SNCAIP: variants seen among roughly 807,000 people sequenced by gnomAD.
SNCAIP encodes synuclein alpha interacting protein.
SNCAIP carries 43 observed loss-of-function variants against 86.7 expected under a neutral mutation model. That is an observed-to-expected ratio of 0.50 (90% confidence interval 0.39 to 0.64). SNCAIP has a LOEUF of 0.64. SNCAIP is among the 30% of genes least tolerant of loss of function. SNCAIP has a pLI of 0.00. For missense variants in SNCAIP, 981 were observed against 1,103.1 expected, an observed-to-expected ratio of 0.89 and a Z score of 1.57; for synonymous variants, 417 against 427.2, an observed-to-expected ratio of 0.98 and a Z score of 0.29.
At chr5:122,416,308 A>G (rs1435991049) in intron 3 of SNCAIP, among the ~76,000 whole-genome samples, 3 of 152,162 alleles carry the variant, frequency 2.0e-5, no homozygotes, top group African/African-American at 4.8e-5. Flanking sequence ...ACCCAAATCA[A>G]TGACGCTTTC....
chr5:122,416,064 A>G (rs1454715951), intron 3 of SNCAIP, among the ~76,000 whole-genome samples: 2 of 152,180 alleles, frequency 1.3e-5, no homozygotes, highest in Admixed American at 1.3e-4. Flanking sequence ...ATTGAGTCTG[A>G]TTTCGTGATG....
At chr5:122,448,666 T>TATATA (rs1782962855) in intron 8 of SNCAIP, among the ~76,000 whole-genome samples, 1 of 111,874 alleles carries the variant, frequency 8.9e-6, no homozygotes, top group Non-Finnish European at 2.0e-5. Flanking sequence ...ATATATTATA[T>TATATA]ATATTATATA....
At chr5:122,459,890 T>C (rs1785718623) in intron 10 of SNCAIP, among the ~76,000 whole-genome samples, 1 of 152,114 alleles carries the variant, frequency 6.6e-6, no homozygotes, top group Non-Finnish European at 1.5e-5. Flanking sequence ...GAATCGACCA[T>C]TCACTTTTCC....
intron 1 of SNCAIP, among the ~76,000 whole-genome samples, chr5:122,359,349 T>TTTTTTTTATTTA (rs372903978): frequency 0.021 from 2,979 of 142,212 alleles, 66 homozygotes; most frequent in Middle Eastern, 0.055. Context: ...AGATTTTTAT[T>TTTTTTTTATTTA]TTTATTTATT....
At chr5:122,443,324 T>G (rs143055773) in intron 7 of SNCAIP, among the ~76,000 whole-genome samples, 47 of 152,362 alleles carry the variant, frequency 3.1e-4, no homozygotes, top group African/African-American at 1.1e-3. Flanking sequence ...TTGTAGTGGT[T>G]GATTAATATT....
At chr5:122,337,782 C>T (rs534569857) in intron 1 of SNCAIP, among the ~76,000 whole-genome samples, 136 of 152,308 alleles carry the variant, frequency 8.9e-4, no homozygotes, top group African/African-American at 3.1e-3. Flanking sequence ...TCAGGTGATG[C>T]GCCCACCTCG....
At chr5:122,380,999 G>GA (rs973298238) in intron 1 of SNCAIP, among the ~76,000 whole-genome samples, 3 of 146,600 alleles carry the variant, frequency 2.0e-5, no homozygotes, top group Non-Finnish European at 4.5e-5. Flanking sequence ...TTGTGGTGCT[G>GA]AAAAAAATGT....
In SNCAIP at chr5:122,463,084, C is replaced by T. The variant is rs535079783; in HGVS notation, c.2755-407C>T. 2.0e-5 allele frequency among the ~76,000 whole-genome samples: 3 copies of T among 152,282 alleles called. No individual in the cohort carries two copies. The East Asian group carries it at 5.8e-4, about 29-fold the overall frequency. ...AGCATTCTTCTTTAAACTTTTAAGG[C>T]TCAAGCTTATTGGAGAATAAAAGTG... On this transcript the variant is annotated intron_variant, in intron 10 of 10. Transcript: ENST00000261368.
chr5:122,461,143 G>C (rs1327000289), intron 10 of SNCAIP, among the ~76,000 whole-genome samples: 1 of 152,114 alleles, frequency 6.6e-6, no homozygotes, highest in Admixed American at 6.5e-5. Flanking sequence ...TAGGATTCTA[G>C]GTGGGAAATT....
chr5:122,352,616 C>A (rs1760098146), intron 1 of SNCAIP, among the ~76,000 whole-genome samples: 1 of 152,146 alleles, frequency 6.6e-6, no homozygotes. Context: ...TTTGTTATCT[C>A]CATGCAAATG....
At position 122,432,043 on chromosome 5, in the gene SNCAIP, T is replaced by C. The variant is rs1250287200; in HGVS notation, c.1257T>C (p.Asp419=). 2 of 1,604,924 alleles carry C rather than the reference T, an allele frequency of 1.2e-6. No homozygotes were observed. The highest frequency in any genetic ancestry group is 1.7e-6 in the Non-Finnish European group (2 of 1,171,912). The change falls in exon 6 of 11, where the codon GAT becomes GAC. Residue 419 remains aspartate, a synonymous_variant. Transcript: ENST00000261368. ...TTGCAGAACTGAGTTGTTCTAAGGA[T>C]TTTCCAAGCCTTATTCATTACGCAG... ...EAIAELSCSK[D]FPSLIHYAGC...
At chr5:122,452,389 G>C (rs1461157873) in intron 10 of SNCAIP, among the ~76,000 whole-genome samples, 1 of 152,182 alleles carries the variant, frequency 6.6e-6, no homozygotes, top group East Asian at 1.9e-4. Context: ...CTGTGGAATG[G>C]AATGACCTAG....
At chr5:122,375,763 A>G (rs992712509) in intron 1 of SNCAIP, among the ~76,000 whole-genome samples, 6 of 152,260 alleles carry the variant, frequency 3.9e-5, no homozygotes, top group Admixed American at 3.9e-4. Context: ...AAAAATAAAA[A>G]GACCTAAGAC....
intron 1 of SNCAIP, among the ~76,000 whole-genome samples, chr5:122,365,470 G>A (rs980753207): frequency 3.9e-5 from 6 of 152,166 alleles, no homozygotes; most frequent in Non-Finnish European, 8.8e-5. Context: ...TTTGAGGTCA[G>A]GAGTTTGAGA....
intron 1 of SNCAIP, among the ~76,000 whole-genome samples, chr5:122,379,856 A>T (rs1175141325): frequency 1.3e-5 from 2 of 151,466 alleles, no homozygotes; most frequent in Non-Finnish European, 2.9e-5. Context: ...TGATTTGCGT[A>T]TATTGAACCA....
intron 5 of SNCAIP, among the ~76,000 whole-genome samples, chr5:122,428,485 T>C (rs1234473792): frequency 6.6e-6 from 1 of 151,924 alleles, no homozygotes; most frequent in Non-Finnish European, 1.5e-5. Context: ...TACCCAACAA[T>C]AGCAGAAAAC....
intron 1 of SNCAIP, chr5:122,321,751 A>G (rs1418033297): frequency 6.6e-6 from 1 of 152,150 alleles, no homozygotes; most frequent in African/African-American, 2.4e-5. Flanking sequence ...TCAATCTCCC[A>G]TCTTTGTCCA....
chr5:122,358,849 A>G (rs1276780025), intron 1 of SNCAIP, among the ~76,000 whole-genome samples: 2 of 152,182 alleles, frequency 1.3e-5, no homozygotes, highest in East Asian at 3.9e-4. Flanking sequence ...CTTCAGAGCT[A>G]ATACCCTTAT....
chr5:122,313,880 A>G (rs531562759), intron 1 of SNCAIP, among the ~76,000 whole-genome samples: 1 of 152,340 alleles, frequency 6.6e-6, no homozygotes, highest in East Asian at 1.9e-4. Context: ...TGCTTCTCTT[A>G]AGGATCTTTT....
Sources: allele counts gnomAD v4.1 joint callset (sites outside exome capture counted in the v4.1 genomes callset), GRCh38; gene constraint gnomAD v4.1.1; transcripts MANE v1.5; gene names NCBI Gene and HGNC (gene_info 2026-07-23, HGNC 2026-07-21).